MICU1: variants seen among roughly 807,000 people sequenced by gnomAD.
MICU1 encodes the protein mitochondrial calcium uptake 1.
MICU1 carries 45 observed loss-of-function variants against 56.8 expected under a neutral mutation model. That is an observed-to-expected ratio of 0.79 (90% CI 0.62 to 1.02). The LOEUF (loss-of-function observed/expected upper bound fraction) is 1.02, where lower values mean the gene tolerates loss of function less well. Ranked by LOEUF, MICU1 falls within the 50% of genes least tolerant of loss-of-function variation. The pLI is 0.00. For synonymous variants in MICU1, 186 were observed against 195.1 expected (o/e 0.95, Z 0.39); for missense variants, 504 against 587.1 (o/e 0.86, Z 1.46).
intron 9 of MICU1, among the ~76,000 whole-genome samples, chr10:72,416,691 C>T (rs549985793): frequency 5.9e-5 from 9 of 152,262 alleles, no homozygotes; most frequent in South Asian, 2.1e-4. Context: ...TCTTTATAAG[C>T]TTCTGCTTGT....
chr10:72,597,111 A>G (rs1349992830), intron 1 of MICU1, among the ~76,000 whole-genome samples: 1 of 152,140 alleles, frequency 6.6e-6, no homozygotes, highest in Non-Finnish European at 1.5e-5. Flanking sequence ...CCAAAAGTCT[A>G]TTAATTTAAA....
intron 8 of MICU1, among the ~76,000 whole-genome samples, chr10:72,437,089 T>A (rs1864754096): frequency 6.6e-6 from 1 of 152,066 alleles, no homozygotes; most frequent in South Asian, 2.1e-4. Flanking sequence ...CCAAGACTCA[T>A]AATGGTCAGA....
At chr10:72,620,042 A>T (rs183536923) in intron 1 of MICU1, among the ~76,000 whole-genome samples, 1,768 of 152,028 alleles carry the variant, frequency 0.012, 11 homozygotes, top group Middle Eastern at 0.024. Flanking sequence ...TACTTTTTTT[A>T]AAAAAAAGGA....
chr10:72,389,987 C>T (rs1048582866), intron 10 of MICU1, among the ~76,000 whole-genome samples: 1 of 152,148 alleles, frequency 6.6e-6, no homozygotes, highest in Non-Finnish European at 1.5e-5. Flanking sequence ...TTCTTAAGTG[C>T]TAAACGAAGA....
intron 10 of MICU1, among the ~76,000 whole-genome samples, chr10:72,397,403 T>G (rs1006069555): frequency 6.6e-6 from 1 of 152,140 alleles, no homozygotes; most frequent in Admixed American, 6.5e-5. Flanking sequence ...GCGAACATCA[T>G]AATGACAGAA....
chr10:72,522,669 A>G (rs1446808742), intron 5 of MICU1, among the ~76,000 whole-genome samples: 2 of 152,196 alleles, frequency 1.3e-5, no homozygotes, highest in Non-Finnish European at 2.9e-5. Flanking sequence ...TCTGAAGAAC[A>G]GCATTCTATG....
chr10:72,584,491 T>C lies in MICU1; in HGVS notation c.-1-17697A>G, dbSNP rs1840990782. ...CAATATGTAAAATTTCCATAAAATA[T>C]CATCTCCAATTTGATTTTCAAGTCT... On this transcript the variant is annotated intron_variant, in intron 1 of 11. Coordinates refer to ENST00000361114, the MANE Select transcript of MICU1 (RefSeq NM_001195518.2). 2.0e-5 allele frequency among the ~76,000 whole-genome samples: 3 copies of C among 152,158 alleles called. No homozygotes were observed. In the South Asian group the frequency reaches 6.2e-4, roughly 31 times the overall value.
chr10:72,434,083 T>A (rs748785224), intron 8 of MICU1, among the ~76,000 whole-genome samples: 1 of 152,138 alleles, frequency 6.6e-6, no homozygotes, highest in South Asian at 2.1e-4. Context: ...AGCTTAAATG[T>A]ATGTCATTAG....
chr10:72,566,033 C>CATTTTCTT lies in MICU1; in HGVS notation c.161+592_161+599dup, dbSNP rs1491012528. Among the ~76,000 whole-genome samples the CATTTTCTT allele has an allele frequency of 1.8e-4, 21 of 116,520 alleles. No homozygotes were observed. In the East Asian group the frequency reaches 4.7e-3, roughly 26 times the overall value. 76.4% of individuals were successfully genotyped at this position (116,520 alleles called of 152,430 possible). On this transcript the variant is annotated intron_variant, in intron 2 of 11. Coordinates refer to ENST00000361114, the MANE Select transcript of MICU1 (RefSeq NM_001195518.2). ...AAATTGTGAAGTCTCAGAAAGCATT[C>CATTTTCTT]ATTTTCTTTTTTTTTTTTTTTTTTT...
chr10:72,378,660 G>C (rs1862603892), intron 10 of MICU1, among the ~76,000 whole-genome samples: 1 of 152,202 alleles, frequency 6.6e-6, no homozygotes, highest in African/African-American at 2.4e-5. Flanking sequence ...AACATCAGCA[G>C]ATGCAAACAC....
intron 4 of MICU1, among the ~76,000 whole-genome samples, chr10:72,541,189 G>A (rs1209730893): frequency 3.3e-5 from 5 of 152,272 alleles, no homozygotes; most frequent in Admixed American, 6.5e-5. Flanking sequence ...TTAGACTATA[G>A]TTTAACTTGA....
chr10:72,371,355 C>G (rs1862330747), intron 11 of MICU1, among the ~76,000 whole-genome samples: 1 of 145,152 alleles, frequency 6.9e-6, no homozygotes, highest in Non-Finnish European at 1.5e-5. Context: ...CCACTGCACT[C>G]CAGCCTGGGC....
chr10:72,517,312 T>C (rs957720636), intron 5 of MICU1, among the ~76,000 whole-genome samples: 2 of 152,154 alleles, frequency 1.3e-5, no homozygotes, highest in Non-Finnish European at 2.9e-5. Context: ...ACAAAAAAGA[T>C]ACTTGCATAT....
At chr10:72,539,321 G>A (rs1839711369) in intron 4 of MICU1, among the ~76,000 whole-genome samples, 1 of 152,044 alleles carries the variant, frequency 6.6e-6, no homozygotes, top group South Asian at 2.1e-4. Context: ...CACTTCTCCA[G>A]GACAGATCAT....
chr10:72,404,931 G>C (rs1453545012), intron 10 of MICU1, among the ~76,000 whole-genome samples: 1 of 152,096 alleles, frequency 6.6e-6, no homozygotes, highest in Admixed American at 6.6e-5. Context: ...TTTTGAGATG[G>C]AGTCTTGCTC....
At chr10:72,577,372 G>A (rs1474478833) in intron 1 of MICU1, among the ~76,000 whole-genome samples, 1 of 152,062 alleles carries the variant, frequency 6.6e-6, no homozygotes, top group Non-Finnish European at 1.5e-5. Context: ...AGCCAGGCAT[G>A]GTGGCACATG....
At chr10:72,387,220 A>G (rs889303355) in intron 10 of MICU1, among the ~76,000 whole-genome samples, 3 of 152,200 alleles carry the variant, frequency 2.0e-5, no homozygotes, top group Admixed American at 2.0e-4. Context: ...GAACCCTTAG[A>G]GATACTTATA....
At chr10:72,471,132 T>A (rs909413382) in intron 8 of MICU1, among the ~76,000 whole-genome samples, 1 of 152,176 alleles carries the variant, frequency 6.6e-6, no homozygotes, top group East Asian at 1.9e-4. Context: ...GTCACCAGGC[T>A]GGAGTGCAGT....
chr10:72,503,260 C>T (rs1034540347), intron 6 of MICU1, among the ~76,000 whole-genome samples: 1 of 152,102 alleles, frequency 6.6e-6, no homozygotes, highest in Non-Finnish European at 1.5e-5. Context: ...GTCTAAAAAG[C>T]TCAATGAACC....
Sources: gnomAD v4.1 joint callset for allele counts (sites outside exome capture counted in the v4.1 genomes callset) on GRCh38, gnomAD v4.1.1 for gene constraint, MANE v1.5 for transcripts, NCBI Gene and HGNC (gene_info 2026-07-23, HGNC 2026-07-21) for gene names.